Variants in CYFIP1 observed in about 807,000 individuals in gnomAD.
CYFIP1 encodes the protein cytoplasmic FMR1 interacting protein 1, also known as cytoplasmic FMR1-interacting protein 1.
In CYFIP1, 58 loss-of-function variants were observed where a neutral mutation model predicts 163.5. That is an observed-to-expected ratio of 0.35 (90% CI 0.29 to 0.44). The LOEUF (loss-of-function observed/expected upper bound fraction) is 0.44, where lower values mean the gene tolerates loss of function less well. CYFIP1 is among the 20% of genes least tolerant of loss of function. CYFIP1 has a pLI of 1.00. For missense variants in CYFIP1, 1,338 were observed against 1,653.8 expected (o/e 0.81, Z 3.31); for synonymous variants, 663 against 660.7 (o/e 1.00, Z -0.05).
At chr15:22,960,163 C>T (rs1321439051) in intron 1 of CYFIP1, among the ~76,000 whole-genome samples, 1 of 152,198 alleles carries the variant, frequency 6.6e-6, no homozygotes, top group Non-Finnish European at 1.5e-5. Context: ...CCTACTGCCT[C>T]CAGCCTGAGG....
chr15:22,871,020 G>C (rs1432365094), intron 30 of CYFIP1, among the ~76,000 whole-genome samples: 1 of 152,194 alleles, frequency 6.6e-6, no homozygotes, highest in South Asian at 2.1e-4. Context: ...AGCGGCGGTG[G>C]GGTGAGGAGC....
At chr15:22,872,598 A>C in intron 30 of CYFIP1, 2 of 505,986 alleles carry the variant, frequency 4.0e-6, no homozygotes, top group Non-Finnish European at 7.1e-6. Flanking sequence ...ACTGGAAGTA[A>C]ATCTAAGTAC....
rs762922676 is a variant in CYFIP1, at chr15:22,951,519, T to C, written c.-6-4228A>G. On this transcript the variant is annotated intron_variant, in intron 1 of 30. Coordinates refer to ENST00000617928, the MANE Select transcript of CYFIP1 (RefSeq NM_014608.6). ...TGCCTGAGGACGTGCTTCGGCCCCA[T>C]AGGGGCTGCCCGTGTCCTGCGACTC... is the stretch of plus-strand genomic sequence containing the variant. 783 of 1,287,926 alleles carry C rather than the reference T, an allele frequency of 6.1e-4. 1 individual carries two copies. Among genetic ancestry groups the C allele is most frequent in the Non-Finnish European group, 7.2e-4 (709 of 988,746 alleles). The allele number at this position is 1,287,926 out of a possible 1,614,324, so 79.8% of individuals were successfully genotyped here.
At chr15:22,880,100 G>A in intron 25 of CYFIP1, 57 bp from the exon 26 acceptor site, 1 of 1,606,272 alleles carries the variant, frequency 6.2e-7, no homozygotes. Flanking sequence ...GGCCCTAGCA[G>A]CCTGGGTCCA....
At chr15:22,962,405 T>TC (rs1176929083) in intron 1 of CYFIP1, among the ~76,000 whole-genome samples, 6 of 150,714 alleles carry the variant, frequency 4.0e-5, no homozygotes, top group Non-Finnish European at 8.8e-5. Flanking sequence ...TTTTTTCTTT[T>TC]TTTTTTTCTT....
chr15:22,921,220 T>C lies in CYFIP1; in HGVS notation c.1360-2362A>G, dbSNP rs562041938. ...CCGTCTCTACTAAAAATACAAAAAT[T>C]AGCCTGGTGTGGTGGTGCACACCTG... On this transcript the variant is annotated intron_variant, in intron 13 of 30. Coordinates refer to ENST00000617928, the MANE Select transcript of CYFIP1 (RefSeq NM_014608.6). Among the ~76,000 whole-genome samples, 9 of 151,754 alleles carry C rather than the reference T, an allele frequency of 5.9e-5. No homozygotes were observed. The South Asian group carries it at 1.7e-3, about 28-fold the overall frequency.
At chr15:22,978,358 A>C (rs2063351638) in intron 1 of CYFIP1, among the ~76,000 whole-genome samples, 1 of 110,834 alleles carries the variant, frequency 9.0e-6, no homozygotes, top group Admixed American at 7.8e-5. Context: ...GTCACAAAAA[A>C]AAAAAAAAAA....
chr15:22,929,168 C>T lies in CYFIP1; in HGVS notation c.1111-1140G>A, dbSNP rs533069811. 1.4e-3 allele frequency among the ~76,000 whole-genome samples: 213 copies of T among 150,176 alleles called. 2 individuals carry two copies. Among genetic ancestry groups the T allele is most frequent in the Non-Finnish European group, 2.1e-3 (140 of 67,672 alleles). On this transcript the variant is annotated intron_variant, in intron 11 of 30. Transcript: ENST00000617928. ...CCAGGAGGCGAAGATTGCAGTGAGCCAAGATCCCGCCATCACACGCCATCC... is the reference window on the plus strand; with the variant it reads ...CCAGGAGGCGAAGATTGCAGTGAGCTAAGATCCCGCCATCACACGCCATCC...
intron 21 of CYFIP1, chr15:22,904,353 C>A: frequency 4.1e-6 from 1 of 242,816 alleles, no homozygotes; most frequent in South Asian, 5.6e-5. Context: ...CACTTGTTCC[C>A]ACAGGCCTTG....
At chr15:22,909,926 C>T (rs1338564219) in intron 20 of CYFIP1, among the ~76,000 whole-genome samples, 1 of 152,128 alleles carries the variant, frequency 6.6e-6, no homozygotes, top group East Asian at 1.9e-4. Flanking sequence ...TTCTCACCTT[C>T]ATTCTTTTTA....
intron 11 of CYFIP1, 76 bp downstream of exon 11, chr15:22,932,147 T>G (rs1157894834): frequency 2.3e-5 from 24 of 1,039,382 alleles, no homozygotes; most frequent in Non-Finnish European, 3.3e-5. Flanking sequence ...TTCAAAGCAA[T>G]TAAACCTAAG....
At chr15:22,907,101 C>T (rs2060611744) in intron 21 of CYFIP1, among the ~76,000 whole-genome samples, 1 of 152,194 alleles carries the variant, frequency 6.6e-6, no homozygotes, top group African/African-American at 2.4e-5. Context: ...CATGCTATTC[C>T]CAGCAGCTTC....
intron 1 of CYFIP1, among the ~76,000 whole-genome samples, chr15:22,979,013 C>T (rs1299693520): frequency 6.6e-6 from 1 of 152,160 alleles, no homozygotes; most frequent in Non-Finnish European, 1.5e-5. Flanking sequence ...AATTTAAACA[C>T]ACACACAAAC....
intron 3 of CYFIP1, among the ~76,000 whole-genome samples, chr15:22,945,997 C>T (rs77546367): frequency 3.9e-5 from 6 of 152,146 alleles, no homozygotes; most frequent in Admixed American, 2.6e-4. Context: ...TTCTCTAGCA[C>T]ATTTTCATGG....
intron 18 of CYFIP1, among the ~76,000 whole-genome samples, chr15:22,911,181 A>G (rs2060776947): frequency 6.6e-6 from 1 of 152,090 alleles, no homozygotes; most frequent in Admixed American, 6.5e-5. Flanking sequence ...ACCTCAAAAA[A>G]GAAAAATAAA....
intron 22 of CYFIP1, among the ~76,000 whole-genome samples, chr15:22,898,222 C>G (rs2060292714): frequency 6.6e-6 from 1 of 152,158 alleles, no homozygotes; most frequent in Admixed American, 6.5e-5. Context: ...AAATCTAAAC[C>G]CTGTTACTCT....
intron 21 of CYFIP1, chr15:22,905,350 G>C (rs1476755881): frequency 6.6e-6 from 1 of 151,976 alleles, no homozygotes; most frequent in Non-Finnish European, 1.5e-5. Context: ...CGTTGCTTTG[G>C]TTTTCTTCTT....
chr15:22,962,643 A>T (rs2062726070), intron 1 of CYFIP1, among the ~76,000 whole-genome samples: 1 of 151,890 alleles, frequency 6.6e-6, no homozygotes, highest in Admixed American at 6.6e-5. Context: ...ACCTCAGGTG[A>T]TCCACCAGCC....
intron 13 of CYFIP1, among the ~76,000 whole-genome samples, chr15:22,923,602 T>C (rs2061258239): frequency 6.6e-6 from 1 of 152,062 alleles, no homozygotes; most frequent in Non-Finnish European, 1.5e-5. Flanking sequence ...TTTCTAGCTA[T>C]ACAATCAAAA....
Sources: gnomAD v4.1 joint callset for allele counts (sites outside exome capture counted in the v4.1 genomes callset) on GRCh38, gnomAD v4.1.1 for gene constraint, MANE v1.5 for transcripts, NCBI Gene and HGNC (gene_info 2026-07-23, HGNC 2026-07-21) for gene names.